The following SPIDR variants were observed in gnomAD, a reference collection of about 807,000 sequenced individuals.
SPIDR encodes scaffold protein involved in DNA repair.
SPIDR carries 93 observed loss-of-function variants against 104.6 expected under a neutral mutation model. The ratio of observed to expected loss-of-function variants is 0.89; its 90% CI spans 0.75 to 1.06. The LOEUF is 1.06. SPIDR is among the 50% of genes least tolerant of loss of function. The pLI, the probability that SPIDR is intolerant of heterozygous loss-of-function variation, is 0.00. For synonymous variants in SPIDR, 431 were observed against 416.9 expected (o/e 1.03, Z -0.41); for missense variants, 1,154 against 1,111.2 (o/e 1.04, Z -0.55).
intron 8 of SPIDR, among the ~76,000 whole-genome samples, chr8:47,458,323 G>GTTATTT (rs1469736509): frequency 3.6e-5 from 4 of 112,264 alleles, no homozygotes; most frequent in Admixed American, 2.0e-4. Flanking sequence ...ATATTCCTAA[G>GTTATTT]TATTTTATTT....
intron 8 of SPIDR, among the ~76,000 whole-genome samples, chr8:47,515,350 C>T (rs1344751442): frequency 6.6e-6 from 1 of 152,202 alleles, no homozygotes; most frequent in Non-Finnish European, 1.5e-5. Context: ...GTTCTCCAAA[C>T]ACTTAGCAAA....
chr8:47,369,215 C>A (rs888310639), intron 5 of SPIDR, among the ~76,000 whole-genome samples: 6 of 152,136 alleles, frequency 3.9e-5, no homozygotes, highest in African/African-American at 1.4e-4. Context: ...GTATCATTAT[C>A]AGGTATTTTT....
intron 5 of SPIDR, among the ~76,000 whole-genome samples, chr8:47,303,609 G>A (rs2042620210): frequency 6.6e-6 from 1 of 151,972 alleles, no homozygotes; most frequent in African/African-American, 2.4e-5. Context: ...TATCTATTCA[G>A]GTGATCATAT....
chr8:47,440,659 A>G, intron 8 of SPIDR, 117 bp downstream of exon 8: 1 of 1,032,170 alleles, frequency 9.7e-7, no homozygotes, highest in African/African-American at 1.6e-5. Flanking sequence ...AGAGGAAGAG[A>G]GCCAGGATTG....
chr8:47,539,599 C>T (rs191202705), intron 8 of SPIDR, among the ~76,000 whole-genome samples: 2 of 152,164 alleles, frequency 1.3e-5, no homozygotes, highest in Admixed American at 6.5e-5. Flanking sequence ...GTCCTTTGGC[C>T]ACTTGACTGT....
At chr8:47,442,147 T>C (rs1057329965) in intron 8 of SPIDR, among the ~76,000 whole-genome samples, 6 of 152,170 alleles carry the variant, frequency 3.9e-5, no homozygotes, top group Admixed American at 1.3e-4. Context: ...AATATTTGCC[T>C]TAAACATTTA....
chr8:47,646,765 A>C (rs1449688610), intron 10 of SPIDR, among the ~76,000 whole-genome samples: 2 of 152,176 alleles, frequency 1.3e-5, no homozygotes, highest in African/African-American at 4.8e-5. Context: ...GAACTAGAGG[A>C]TGGAGGACGG....
At position 47,597,631 on chromosome 8, in the gene SPIDR, C is replaced by T. The variant is rs181136438; in HGVS notation, c.1294-1315C>T. Among the ~76,000 whole-genome samples, 201 of 152,268 alleles carry T rather than the reference C, an allele frequency of 1.3e-3. 2 individuals carry two copies. Among genetic ancestry groups the T allele is most frequent in the Middle Eastern group, 0.01 (3 of 294 alleles). On this transcript the variant is annotated intron_variant, in intron 9 of 19. Coordinates refer to ENST00000297423, the MANE Select transcript of SPIDR (RefSeq NM_001080394.4). ...TTGTAATGTCTAAGAATTTTTAAAG[C>T]CCTCCTTTATTTATTTAAAAAATCA...
chr8:47,612,897 G>A (rs976118618), intron 10 of SPIDR, among the ~76,000 whole-genome samples: 1 of 152,166 alleles, frequency 6.6e-6, no homozygotes, highest in East Asian at 1.9e-4. Flanking sequence ...AGTCACTGCC[G>A]CCACGGAGGA....
chr8:47,360,064 A>G (rs1304810667), intron 5 of SPIDR, among the ~76,000 whole-genome samples: 2 of 151,954 alleles, frequency 1.3e-5, no homozygotes, highest in African/African-American at 2.4e-5. Flanking sequence ...AACATGATGA[A>G]AGCCCATCTC....
At position 47,354,306 on chromosome 8, in the gene SPIDR, A is replaced by G. The variant is rs1414527172; in HGVS notation, c.526-42070A>G. On this transcript the variant is annotated intron_variant, in intron 5 of 19. Coordinates refer to ENST00000297423, the MANE Select transcript of SPIDR (RefSeq NM_001080394.4). ...TTATGTATTTTATTCCTTCACTCAT[A>G]GTTCTTCCTCAGTTTCTTTATTTCG... 2.6e-5 allele frequency among the ~76,000 whole-genome samples: 4 copies of G among 151,602 alleles called. No homozygotes were observed. In the East Asian group the frequency reaches 7.7e-4, roughly 29 times the overall value.
intron 11 of SPIDR, among the ~76,000 whole-genome samples, chr8:47,685,717 G>T (rs914627957): frequency 6.6e-6 from 1 of 151,778 alleles, no homozygotes; most frequent in Non-Finnish European, 1.5e-5. Flanking sequence ...ACCATGCCCA[G>T]CTAATTTTTG....
At chr8:47,407,780 G>A in intron 6 of SPIDR, 81 bp from the exon 7 acceptor site, 1 of 732,774 alleles carries the variant, frequency 1.4e-6, no homozygotes, top group Non-Finnish European at 2.2e-6. Context: ...TCTCTGGTTG[G>A]GGGGTATACA....
chr8:47,427,500 G>A (rs1255236075), intron 7 of SPIDR, among the ~76,000 whole-genome samples: 5 of 152,084 alleles, frequency 3.3e-5, no homozygotes, highest in East Asian at 1.9e-4. Context: ...TTTATAGTGC[G>A]GTAGTTTTCC....
At chr8:47,497,888 A>G (rs1008507931) in intron 8 of SPIDR, among the ~76,000 whole-genome samples, 1 of 152,190 alleles carries the variant, frequency 6.6e-6, no homozygotes, top group Non-Finnish European at 1.5e-5. Context: ...TACCTAAGGC[A>G]GAGTCTTCAT....
chr8:47,502,712 C>A (rs968772401), intron 8 of SPIDR, among the ~76,000 whole-genome samples: 2 of 152,134 alleles, frequency 1.3e-5, no homozygotes, highest in Non-Finnish European at 2.9e-5. Context: ...TTCTCTAGTT[C>A]TTTTAATTTT....
At chr8:47,601,674 A>G (rs376119441) in intron 10 of SPIDR, among the ~76,000 whole-genome samples, 13 of 152,306 alleles carry the variant, frequency 8.5e-5, no homozygotes, top group African/African-American at 2.9e-4. Flanking sequence ...GCCTGGGGAC[A>G]GATGAGACTT....
intron 7 of SPIDR, among the ~76,000 whole-genome samples, chr8:47,417,488 A>T (rs2064568119): frequency 6.6e-6 from 1 of 151,748 alleles, no homozygotes; most frequent in Admixed American, 6.6e-5. Context: ...TTTTCTTGTA[A>T]ATTTGTTTGA....
intron 10 of SPIDR, among the ~76,000 whole-genome samples, chr8:47,609,467 G>A (rs1196923275): frequency 6.6e-6 from 1 of 152,142 alleles, no homozygotes; most frequent in Non-Finnish European, 1.5e-5. Flanking sequence ...TAGAGATTAT[G>A]TTTAGTACTA....
Sources: gnomAD v4.1 joint callset for allele counts (sites outside exome capture counted in the v4.1 genomes callset) on GRCh38, gnomAD v4.1.1 for gene constraint, MANE v1.5 for transcripts, NCBI Gene and HGNC (gene_info 2026-07-23, HGNC 2026-07-21) for gene names.